HPS3: variants seen among roughly 807,000 people sequenced by gnomAD.
HPS3 encodes the protein HPS3 biogenesis of lysosomal organelles complex 2 subunit 1.
A neutral mutation model predicts 110.9 loss-of-function variants in HPS3; 79 were observed. The observed-to-expected ratio is 0.71, with a 90% confidence interval of 0.59 to 0.86. The LOEUF (loss-of-function observed/expected upper bound fraction) is 0.86, where lower values mean the gene tolerates loss of function less well. Among genes scored for constraint, HPS3 ranks in the 40% least tolerant of loss-of-function variants. The pLI is 0.00. For missense variants in HPS3, 1,197 were observed against 1,206.2 expected, an observed-to-expected ratio of 0.99 and a Z score of 0.11; for synonymous variants, 428 against 451.0, an observed-to-expected ratio of 0.95 and a Z score of 0.65.
chr3:149,163,082 T>C (rs562796519), intron 13 of HPS3, among the ~76,000 whole-genome samples: 8 of 152,328 alleles, frequency 5.3e-5, no homozygotes, highest in African/African-American at 1.9e-4. Context: ...CTAAAGAATG[T>C]CCTCTACTTA....
intron 1 of HPS3, 129 bp from the exon 2 acceptor site, chr3:149,139,874 TA>T (rs1252725216): frequency 2.8e-5 from 24 of 844,384 alleles, no homozygotes; most frequent in Non-Finnish European, 4.0e-5. Context: ...TTTTGTTACT[TA>T]GGGTTTTATT....
chr3:149,162,614 T>G, intron 12 of HPS3, 76 bp from the exon 13 acceptor site: 11 of 1,432,330 alleles, frequency 7.7e-6, no homozygotes, highest in Non-Finnish European at 1.1e-5. Flanking sequence ...TGTGATGCTG[T>G]GATATTCAGC....
At position 149,167,910 on chromosome 3, in the gene HPS3, A is replaced by T. The variant is rs1724588018; in HGVS notation, c.2814A>T (p.Lys938Asn). ...TAAGATAGACTCTGTGGTGGAAAAA[A>T]CTGTTGCCTGAACTTTGTCAGAGAA... ...KEENRTLWWK[K>N]LLPELCQRIK... The change falls in exon 16 of 17, where the codon AAA (lysine) becomes AAT (asparagine). Residue 938 changes from lysine to asparagine, a missense_variant. Transcript: ENST00000296051. 1 of 1,603,332 alleles carries T rather than the reference A, an allele frequency of 6.2e-7. No individual in the cohort carries two copies. Among genetic ancestry groups the T allele is most frequent in the Non-Finnish European group, 8.5e-7 (1 of 1,170,388 alleles).
chr3:149,142,172 G>C (rs1223326491), intron 4 of HPS3, among the ~76,000 whole-genome samples: 3 of 152,290 alleles, frequency 2.0e-5, no homozygotes, highest in East Asian at 3.9e-4. Flanking sequence ...AAATACCTAT[G>C]AGTACTAGAA....
intron 16 of HPS3, among the ~76,000 whole-genome samples, chr3:149,170,174 T>G (rs1027531919): frequency 6.6e-6 from 1 of 152,162 alleles, no homozygotes; most frequent in Admixed American, 6.5e-5. Context: ...CTCTGTGAAT[T>G]TAAGATATTG....
intron 4 of HPS3, 134 bp downstream of exon 4, chr3:149,141,514 A>C: frequency 4.5e-6 from 3 of 670,470 alleles, no homozygotes; most frequent in East Asian, 2.8e-5. Flanking sequence ...TGGCCCTTTA[A>C]CAAAGTTTTT....
Position 149,129,676 on chromosome 3 carries a change from G to A in HPS3, c.-48G>A, listed in dbSNP as rs779964850. On this transcript the variant is annotated 5_prime_UTR_variant, in exon 1 of 17. Transcript: ENST00000296051. ...CATTCGCGGTCAGCGCGGGGTCTCC[G>A]GGCGCCCTGCAGGGCGGGCAGGCTG... The A allele has an allele frequency of 3.5e-6, 5 of 1,424,384 alleles. No individual in the cohort carries two copies. The highest frequency in any genetic ancestry group is 2.9e-5 in the African/African-American group (2 of 68,072). 88.2% of individuals were successfully genotyped at this position (1,424,384 alleles called of 1,614,324 possible).
chr3:149,161,776 C>G (rs1295573940), intron 11 of HPS3, among the ~76,000 whole-genome samples: 1 of 152,158 alleles, frequency 6.6e-6, no homozygotes, highest in Non-Finnish European at 1.5e-5. Context: ...TTCCAAAGTG[C>G]TGGGATTACA....
chr3:149,168,207 A>G (rs184831798), intron 16 of HPS3: 22 of 502,086 alleles, frequency 4.4e-5, no homozygotes, highest in African/African-American at 3.5e-4. Context: ...CCTTTCAAAC[A>G]CTTAACAAAT....
rs778074312 is a variant in HPS3 at position 149,129,750 on chromosome 3, G to C, written c.27G>C (p.Pro9=). ...TGGTGCAGCTGTACAACCTGCACCC[G>C]TTCGGGTCGCAGCAGGTGGTGCCCT... MVQLYNLH[P]FGSQQVVPCK... The change falls in exon 1 of 17, where the codon CCG becomes CCC. Residue 9 remains proline (P), a synonymous_variant. Coordinates refer to ENST00000296051, the MANE Select transcript of HPS3 (RefSeq NM_032383.5). 1 of 1,605,622 alleles carries C rather than the reference G, an allele frequency of 6.2e-7. No individual in the cohort carries two copies. The highest frequency in any genetic ancestry group is 8.5e-7 in the Non-Finnish European group (1 of 1,178,258).
intron 1 of HPS3, among the ~76,000 whole-genome samples, chr3:149,132,962 C>T (rs1721864831): frequency 6.6e-6 from 1 of 152,068 alleles, no homozygotes; most frequent in South Asian, 2.1e-4. Context: ...GGAAGTGGAG[C>T]CTGAAGATGT....
chr3:149,150,393 T>C (rs892066836), intron 5 of HPS3, among the ~76,000 whole-genome samples: 4 of 152,184 alleles, frequency 2.6e-5, no homozygotes, highest in Non-Finnish European at 2.9e-5. Flanking sequence ...AGGGGTGTTA[T>C]GGGGACCAGT....
Position 149,140,280 on chromosome 3 carries a change from T to C in HPS3, c.494T>C (p.Ile165Thr). The change falls in exon 2 of 17, where the codon ATC becomes ACC. Residue 165 changes from isoleucine to threonine, a missense_variant. Ile to Thr is a moderately conservative substitution (Grantham distance 89). Transcript: ENST00000296051. ...KLVLFSLKYQ[I>T]INEEFSLLDF... ...GTCTTATTTAGTTTGAAGTACCAGA[T>C]CATTAATGAGGAATTCTCACTATTG... 1 of 1,614,068 alleles carries C rather than the reference T, an allele frequency of 6.2e-7. No individual in the cohort carries two copies. The highest frequency in any genetic ancestry group is 8.5e-7 in the Non-Finnish European group (1 of 1,179,880).
rs767538487 is a variant in HPS3 at position 149,157,522 on chromosome 3, G to C, written c.1682G>C (p.Cys561Ser). ...GAAAGCTGTGGGCACCTTGGGGACT[G>C]TTACAGCAGGTGGGTGACACCTCTT... ...FKESCGHLGD[C>S]YSRLDSQHSH... The change falls in exon 9 of 17, where the codon TGT (cysteine) becomes TCT (serine). Residue 561 changes from cysteine to serine, a missense_variant. Physicochemically the swap from Cys to Ser is moderately radical, Grantham distance 112. Coordinates refer to ENST00000296051, the MANE Select transcript of HPS3 (RefSeq NM_032383.5). 1.9e-6 allele frequency: 3 copies of C among 1,613,480 alleles called. No homozygotes were observed. The highest frequency in any genetic ancestry group is 1.3e-5 in the African/African-American group (1 of 74,902).
rs1723520193 is a variant in HPS3 at position 149,157,395 on chromosome 3, A to T, written c.1555A>T (p.Ile519Phe). Reference protein sequence around the residue: ...TYKTVKTQSCIHLLSEAHLLV... With the variant: ...TYKTVKTQSCFHLLSEAHLLV... ...TAAGACTGTCAAAACCCAGAGCTGC[A>T]TTCACCTTCTCAGTGAGGCTCATCT... The change falls in exon 9 of 17, where the codon ATT becomes TTT. Residue 519 changes from isoleucine (I) to phenylalanine (F), a missense_variant. Ile to Phe is a conservative substitution (Grantham distance 21, BLOSUM62 0). Transcript: ENST00000296051. 2 of 1,613,796 alleles carry T rather than the reference A, an allele frequency of 1.2e-6. No individual in the cohort carries two copies. The highest frequency in any genetic ancestry group is 2.2e-5 in the South Asian group (2 of 91,086).
intron 1 of HPS3, among the ~76,000 whole-genome samples, chr3:149,132,595 G>C (rs1331782923): frequency 6.6e-6 from 1 of 152,202 alleles, no homozygotes; most frequent in Non-Finnish European, 1.5e-5. Flanking sequence ...GAAGGAGATT[G>C]ATGTTGTTTT....
chr3:149,172,310 T>A lies in HPS3; in HGVS notation c.*88T>A, dbSNP rs957430659. On this transcript the variant is annotated 3_prime_UTR_variant, in exon 17 of 17. Transcript: ENST00000296051. ...AAGTACAAGTAGAGGAGTTTTTTAT[T>A]TTATATATCACACACACACACACAC... 4.7e-6 allele frequency: 4 copies of A among 851,150 alleles called. No individual in the cohort carries two copies. Among genetic ancestry groups the A allele is most frequent in the Non-Finnish European group, 7.5e-6 (4 of 536,380 alleles). 52.7% of individuals were successfully genotyped at this position (851,150 alleles called of 1,614,324 possible).
chr3:149,132,254 A>AC (rs1721825099), intron 1 of HPS3, among the ~76,000 whole-genome samples: 1 of 152,230 alleles, frequency 6.6e-6, no homozygotes, highest in African/African-American at 2.4e-5. Flanking sequence ...GCCATCTAGG[A>AC]CTTTCTTGGC....
At chr3:149,147,113 A>G (rs1722824228) in intron 5 of HPS3, among the ~76,000 whole-genome samples, 1 of 152,124 alleles carries the variant, frequency 6.6e-6, no homozygotes. Context: ...TGATGGGATA[A>G]TGGGGATGTA....
Sources: gnomAD v4.1 joint callset for allele counts (sites outside exome capture counted in the v4.1 genomes callset) on GRCh38, gnomAD v4.1.1 for gene constraint, MANE v1.5 for transcripts, NCBI Gene and HGNC (gene_info 2026-07-23, HGNC 2026-07-21) for gene names.